GALR1: variants seen among roughly 807,000 people sequenced by gnomAD.
The protein encoded by GALR1 is galanin receptor type 1.
GALR1 carries 11 observed loss-of-function variants against 17.9 expected under a neutral mutation model. The ratio of observed to expected loss-of-function variants is 0.62; its 90% CI spans 0.39 to 1.02. GALR1 has a LOEUF of 1.02. GALR1 is among the 50% of genes least tolerant of loss of function. GALR1 has a pLI of 0.01. For synonymous variants in GALR1, 206 were observed against 205.7 expected (o/e 1.00, Z -0.01); for missense variants, 441 against 456.9 (o/e 0.97, Z 0.32).
At chr18:77,257,461 G>A (rs571644246) in intron 2 of GALR1, among the ~76,000 whole-genome samples, 5 of 152,158 alleles carry the variant, frequency 3.3e-5, no homozygotes, top group Admixed American at 6.6e-5. Context: ...TCTAGGCCCC[G>A]CATTAGAGCA....
At chr18:77,258,451 G>A (rs950930307) in intron 2 of GALR1, among the ~76,000 whole-genome samples, 2 of 151,574 alleles carry the variant, frequency 1.3e-5, no homozygotes, top group Non-Finnish European at 2.9e-5. Flanking sequence ...TGGTGGTGGT[G>A]GTGATGATGG....
In GALR1 at chr18:77,268,899, G is replaced by C. The variant is rs748559973; in HGVS notation, c.1047G>C (p.Val349=). 6.2e-7 allele frequency: 1 copy of C among 1,605,826 alleles called. No individual in the cohort carries two copies. Among genetic ancestry groups the C allele is most frequent in the East Asian group, 2.2e-5 (1 of 44,834 alleles). ...DTPPSTNCTH[V] Reference sequence around the variant, plus strand: ...CACCATCAACCAATTGTACTCATGTGTGATAAAAGATAGAGTATCCTTATG... The same window carrying C: ...CACCATCAACCAATTGTACTCATGTCTGATAAAAGATAGAGTATCCTTATG... The change falls in exon 3 of 3, where the codon GTG becomes GTC. Residue 349 remains valine (V), a synonymous_variant. Coordinates refer to ENST00000299727, the MANE Select transcript of GALR1 (RefSeq NM_001480.4).
rs1454379370 is a variant in GALR1 at position 77,275,198 on chromosome 18, TGGGTGTCTG to T, written c.*6302_*6310del. On this transcript the variant is annotated 3_prime_UTR_variant, in exon 3 of 3. Transcript: ENST00000299727. ...CACATCTCTGAGAATTCGTTCCCTGTGGGTGTCTGGGGTGCATCGTTACTTCTGAGATGT... is the reference window on the plus strand; with the variant it reads ...CACATCTCTGAGAATTCGTTCCCTGTGGGTGCATCGTTACTTCTGAGATGT... The T allele has an allele frequency of 6.6e-6, 1 of 152,302 alleles. No homozygotes were observed. Among genetic ancestry groups the T allele is most frequent in the African/African-American group, 2.4e-5 (1 of 41,452 alleles). 9.4% of individuals were successfully genotyped at this position (152,302 alleles called of 1,614,324 possible). A position where few individuals can be genotyped will look rare whatever the true frequency, so the allele number is the denominator to read the frequency against.
chr18:77,250,938 C>G lies in GALR1; in HGVS notation c.390C>G (p.Ser130=), dbSNP rs1434189923. ...GCATCTTCACCCTGGCCGCGATGTC[C>G]GTGGACCGCTACGTGGCCATCGTGC... ...LVSIFTLAAM[S]VDRYVAIVHS... is the part of the protein sequence containing the mutation. The change falls in exon 1 of 3, where the codon TCC becomes TCG. Residue 130 remains serine (S), a synonymous_variant. Coordinates refer to ENST00000299727, the MANE Select transcript of GALR1 (RefSeq NM_001480.4). 6 of 1,604,450 alleles carry G rather than the reference C, an allele frequency of 3.7e-6. No homozygotes were observed. Among genetic ancestry groups the G allele is most frequent in the South Asian group, 1.1e-5 (1 of 91,094 alleles).
intron 1 of GALR1, among the ~76,000 whole-genome samples, chr18:77,254,388 A>T (rs1379056658): frequency 6.6e-6 from 1 of 152,248 alleles, no homozygotes; most frequent in Non-Finnish European, 1.5e-5. Flanking sequence ...ATTTAACAGC[A>T]TTCAACATTC....
rs1459555030 is a variant in GALR1, at chr18:77,275,344, G to T, written c.*6442G>T. The T allele has an allele frequency of 6.6e-6, 1 of 152,402 alleles. No individual in the cohort carries two copies. Among genetic ancestry groups the T allele is most frequent in the African/African-American group, 2.4e-5 (1 of 41,472 alleles). The allele number at this position is 152,402 out of a possible 1,614,324, so 9.4% of individuals were successfully genotyped here. Reference sequence around the variant, plus strand: ...GGGCCCGGGCATGTTGGATGGAGTTGTGATGGGTGTGCCTCCCTCGGACTT... The same window carrying T: ...GGGCCCGGGCATGTTGGATGGAGTTTTGATGGGTGTGCCTCCCTCGGACTT... On this transcript the variant is annotated 3_prime_UTR_variant, in exon 3 of 3. Coordinates refer to ENST00000299727, the MANE Select transcript of GALR1 (RefSeq NM_001480.4).
At chr18:77,251,245 G>A (rs776637657) in intron 1 of GALR1, 31 bp downstream of exon 1, 3 of 1,568,408 alleles carry the variant, frequency 1.9e-6, no homozygotes, top group Admixed American at 3.4e-5. Context: ...CGAGACGCGC[G>A]AGGGAGGGCG....
In GALR1 at chr18:77,274,125, C is replaced by T. The variant is rs1913112258; in HGVS notation, c.*5223C>T. On this transcript the variant is annotated 3_prime_UTR_variant, in exon 3 of 3. Transcript: ENST00000299727. ...CTGGAACTATTTATGTGTCATCATT[C>T]CAAAGACCATTGTGATCTATGAAGC... The T allele has an allele frequency of 6.6e-6, 1 of 151,982 alleles. No homozygotes were observed. Among genetic ancestry groups the T allele is most frequent in the African/African-American group, 2.4e-5 (1 of 41,356 alleles). 9.4% of individuals were successfully genotyped at this position (151,982 alleles called of 1,614,324 possible).
At position 77,269,244 on chromosome 18, in the gene GALR1, C is replaced by G; in HGVS notation, c.*342C>G. On this transcript the variant is annotated 3_prime_UTR_variant, in exon 3 of 3. Coordinates refer to ENST00000299727, the MANE Select transcript of GALR1 (RefSeq NM_001480.4). Reference sequence around the variant, plus strand: ...TTGTGAACTGGCCCATCAATATGGTCAGGAATATTTGCAGTCTACATTTTA... The same window carrying G: ...TTGTGAACTGGCCCATCAATATGGTGAGGAATATTTGCAGTCTACATTTTA... The G allele has an allele frequency of 5.7e-6, 1 of 176,762 alleles. No individual in the cohort carries two copies. Among genetic ancestry groups the G allele is most frequent in the Non-Finnish European group, 1.2e-5 (1 of 85,014 alleles). The allele number at this position is 176,762 out of a possible 1,614,324, so 10.9% of individuals were successfully genotyped here. A position where few individuals can be genotyped will look rare whatever the true frequency, so the allele number is the denominator to read the frequency against.
In GALR1 at chr18:77,268,689, G is replaced by T; in HGVS notation, c.837G>T (p.Pro279=). ...AGTTTGGAGTTTTCCCGCTGACGCC[G>T]GCTTCCTTCCTCTTCAGAATCACCG... The part of the protein sequence containing the change: ...WAEFGVFPLT[P]ASFLFRITAH... The change falls in exon 3 of 3, where the codon CCG becomes CCT. Residue 279 remains proline (P), a synonymous_variant. Coordinates refer to ENST00000299727, the MANE Select transcript of GALR1 (RefSeq NM_001480.4). 1 of 1,613,984 alleles carries T rather than the reference G, an allele frequency of 6.2e-7. No homozygotes were observed. Among genetic ancestry groups the T allele is most frequent in the African/African-American group, 1.3e-5 (1 of 74,986 alleles).
chr18:77,262,727 T>C (rs1355325383), intron 2 of GALR1, among the ~76,000 whole-genome samples: 1 of 152,212 alleles, frequency 6.6e-6, no homozygotes, highest in Non-Finnish European at 1.5e-5. Flanking sequence ...TCTATTAAAC[T>C]CTTTTGGGAA....
intron 2 of GALR1, among the ~76,000 whole-genome samples, chr18:77,260,403 G>C (rs1172186142): frequency 1.3e-5 from 2 of 152,126 alleles, no homozygotes; most frequent in African/African-American, 4.8e-5. Context: ...TCATAGGGTG[G>C]GAGGTGTGAG....
At chr18:77,259,821 G>C (rs954519521) in intron 2 of GALR1, among the ~76,000 whole-genome samples, 19 of 151,878 alleles carry the variant, frequency 1.3e-4, no homozygotes, top group South Asian at 4.2e-4. Flanking sequence ...GGGAGGTGGC[G>C]GAGAGAGGGG....
rs755550070 is a variant in GALR1 at position 77,250,742 on chromosome 18, A to AGCC, written c.197_199dup (p.Pro66dup). 1.2e-6 allele frequency: 2 copies of AGCC among 1,613,856 alleles called. No homozygotes were observed. Among genetic ancestry groups the AGCC allele is most frequent in the East Asian group, 4.5e-5 (2 of 44,868 alleles). ...GTGCTGGCGCGCAGCAAGCCGGGCA[A>AGCC]GCCGCGGAGCACCACCAACCTGTTC... On this transcript the variant is annotated inframe_insertion, in exon 1 of 3. Transcript: ENST00000299727.
At chr18:77,253,690 A>G (rs1454005819) in intron 1 of GALR1, 1 of 152,208 alleles carries the variant, frequency 6.6e-6, no homozygotes, top group Admixed American at 6.5e-5. Context: ...CTACTTGAGT[A>G]TTAGTTTCAG....
chr18:77,264,092 C>T (rs1010949648), intron 2 of GALR1, among the ~76,000 whole-genome samples: 1 of 129,790 alleles, frequency 7.7e-6, no homozygotes, highest in Admixed American at 9.2e-5. Context: ...CGAGATTGTG[C>T]CACTGCACTC....
chr18:77,259,693 TGTGGTGATG>T (rs1340256054), intron 2 of GALR1, among the ~76,000 whole-genome samples: 2 of 146,144 alleles, frequency 1.4e-5, no homozygotes, highest in African/African-American at 2.5e-5. Context: ...TGGTGGCAAT[TGTGGTGATG>T]GTGGTGATGG....
At chr18:77,252,858 C>A (rs1028767390) in intron 1 of GALR1, among the ~76,000 whole-genome samples, 1 of 127,112 alleles carries the variant, frequency 7.9e-6, no homozygotes, top group Non-Finnish European at 1.6e-5. Context: ...CTCAAAACAC[C>A]ACCACCACCA....
intron 1 of GALR1, among the ~76,000 whole-genome samples, chr18:77,252,896 T>TCACCACCACCACCAC (rs1252635221): frequency 6.4e-5 from 5 of 78,222 alleles, no homozygotes; most frequent in Admixed American, 3.3e-4. Context: ...ACCACCACCA[T>TCACCACCACCACCAC]CACCACCACC....
Sources: allele counts gnomAD v4.1 joint callset (sites outside exome capture counted in the v4.1 genomes callset), GRCh38; gene constraint gnomAD v4.1.1; transcripts MANE v1.5; gene names NCBI Gene and HGNC (gene_info 2026-07-23, HGNC 2026-07-21).